The following SGMS1 variants were observed in gnomAD, a reference collection of about 807,000 sequenced individuals.
SGMS1 encodes the protein sphingomyelin synthase 1.
SGMS1 carries 13 observed loss-of-function variants against 46.2 expected under a neutral mutation model. The ratio of observed to expected loss-of-function variants is 0.28; its 90% confidence interval spans 0.18 to 0.45. The LOEUF is 0.45. Ranked by LOEUF, SGMS1 falls within the 20% of genes least tolerant of loss-of-function variation. The pLI, the probability that SGMS1 is intolerant of heterozygous loss-of-function variation, is 1.00. For missense variants in SGMS1, 324 were observed against 519.9 expected, an observed-to-expected ratio of 0.62 and a Z score of 3.66; for synonymous variants, 203 against 187.8, an observed-to-expected ratio of 1.08 and a Z score of -0.66.
chr10:50,384,846 A>G (rs1050404663), intron 6 of SGMS1, among the ~76,000 whole-genome samples: 1 of 152,194 alleles, frequency 6.6e-6, no homozygotes, highest in African/African-American at 2.4e-5. Flanking sequence ...TATATTATCA[A>G]CTTAGATGAG....
chr10:50,566,634 T>C (rs1838290372), intron 2 of SGMS1, among the ~76,000 whole-genome samples: 1 of 152,150 alleles, frequency 6.6e-6, no homozygotes, highest in African/African-American at 2.4e-5. Context: ...AACTAGAAAT[T>C]CTGTAATTAA....
chr10:50,365,754 A>C (rs185666493), intron 6 of SGMS1, among the ~76,000 whole-genome samples: 49 of 152,332 alleles, frequency 3.2e-4, no homozygotes, highest in Non-Finnish European at 5.9e-4. Flanking sequence ...CCCTGCAAAG[A>C]CATGATCTAA....
chr10:50,559,378 A>C (rs1333192576), intron 2 of SGMS1, among the ~76,000 whole-genome samples: 1 of 152,166 alleles, frequency 6.6e-6, no homozygotes, highest in Non-Finnish European at 1.5e-5. Context: ...TATCTTCCAC[A>C]TGTTTTCCAT....
chr10:50,619,793 C>T (rs961557387), intron 1 of SGMS1, among the ~76,000 whole-genome samples: 5 of 152,214 alleles, frequency 3.3e-5, no homozygotes, highest in Non-Finnish European at 4.4e-5. Context: ...GGAGGGGAAT[C>T]TTTCTCAATA....
At chr10:50,428,396 TAGCCATGGGGCATC>T (rs1461494750) in intron 6 of SGMS1, among the ~76,000 whole-genome samples, 2 of 152,150 alleles carry the variant, frequency 1.3e-5, no homozygotes, top group African/African-American at 2.4e-5. Context: ...TTGGCCAAGC[TAGCCATGGGGCATC>T]AGCCTTCTGT....
intron 3 of SGMS1, among the ~76,000 whole-genome samples, chr10:50,471,985 A>G (rs891239500): frequency 2.0e-5 from 3 of 152,316 alleles, no homozygotes; most frequent in Non-Finnish European, 4.4e-5. Context: ...CAGTAAAATC[A>G]TATTATATTT....
At chr10:50,510,660 T>C (rs1837745686) in intron 3 of SGMS1, among the ~76,000 whole-genome samples, 1 of 152,098 alleles carries the variant, frequency 6.6e-6, no homozygotes, top group Non-Finnish European at 1.5e-5. Context: ...ACATAGAAGA[T>C]ACAAACATTG....
chr10:50,623,808 C>T lies in SGMS1; in HGVS notation c.-785G>A. ...GCGTCGGGGCTCCGCACCCCAATCG[C>T]GCTCTCCGACCGGCTCCCTAGGCGC... On this transcript the variant is annotated 5_prime_UTR_variant, in exon 1 of 11. Transcript: ENST00000361781. The T allele has an allele frequency of 1.0e-6, 1 of 985,460 alleles. No individual in the cohort carries two copies. Among genetic ancestry groups the T allele is most frequent in the Non-Finnish European group, 1.2e-6 (1 of 829,966 alleles). The allele number at this position is 985,460 out of a possible 1,614,324, so 61.0% of individuals were successfully genotyped here.
chr10:50,537,938 C>T (rs1838017921), intron 2 of SGMS1, among the ~76,000 whole-genome samples: 1 of 152,000 alleles, frequency 6.6e-6, no homozygotes, highest in African/African-American at 2.4e-5. Flanking sequence ...TCTATTAAGC[C>T]ATATGAATCC....
intron 6 of SGMS1, among the ~76,000 whole-genome samples, chr10:50,400,156 C>T (rs1322270279): frequency 6.6e-6 from 1 of 151,600 alleles, no homozygotes; most frequent in African/African-American, 2.4e-5. Context: ...TTCAGTATAA[C>T]TGTCTATACT....
chr10:50,446,043 C>T (rs1324544839), intron 5 of SGMS1, among the ~76,000 whole-genome samples: 1 of 152,088 alleles, frequency 6.6e-6, no homozygotes, highest in Non-Finnish European at 1.5e-5. Flanking sequence ...GAGGAAATTC[C>T]CACCTAATCA....
intron 6 of SGMS1, among the ~76,000 whole-genome samples, chr10:50,398,778 G>T (rs12252248): frequency 0.06 from 9,096 of 151,992 alleles, 623 homozygotes; most frequent in African/African-American, 0.17. Context: ...GAAGCAGTTT[G>T]TCTCTATGGA....
At chr10:50,508,656 C>G (rs1054565623) in intron 3 of SGMS1, among the ~76,000 whole-genome samples, 3 of 152,228 alleles carry the variant, frequency 2.0e-5, no homozygotes, top group East Asian at 3.9e-4. Context: ...TTGGAAAGAA[C>G]CTCTTTGGGG....
At chr10:50,602,513 C>T (rs542245228) in intron 1 of SGMS1, among the ~76,000 whole-genome samples, 2 of 152,282 alleles carry the variant, frequency 1.3e-5, no homozygotes, top group Admixed American at 1.3e-4. Context: ...GAGAAGAAGG[C>T]TACTGGAGAA....
chr10:50,434,307 G>A (rs915379117), intron 5 of SGMS1, among the ~76,000 whole-genome samples: 3 of 152,090 alleles, frequency 2.0e-5, no homozygotes, highest in African/African-American at 7.2e-5. Flanking sequence ...AAAAATACCC[G>A]ACTTTTACCA....
rs551984050 is a variant in SGMS1 at position 50,432,913 on chromosome 10, G to A, written c.-232+563C>T. Among the ~76,000 whole-genome samples, 3 of 152,200 alleles carry A rather than the reference G, an allele frequency of 2.0e-5. No individual in the cohort carries two copies. The South Asian group carries it at 6.2e-4, about 32-fold the overall frequency. ...AGCTACCCCACTTACTAACATTATT[G>A]TTATCACAGTGAAACCAAAATCAAC... On this transcript the variant is annotated intron_variant, in intron 6 of 10. Coordinates refer to ENST00000361781, the MANE Select transcript of SGMS1 (RefSeq NM_147156.4).
At chr10:50,569,817 T>C (rs1187811161) in intron 2 of SGMS1, among the ~76,000 whole-genome samples, 1 of 152,136 alleles carries the variant, frequency 6.6e-6, no homozygotes, top group Non-Finnish European at 1.5e-5. Flanking sequence ...GCAAGCTGGA[T>C]GGTAGCTTCC....
chr10:50,307,984 G>C lies in SGMS1; in HGVS notation c.1060C>G (p.Gln354Glu). ...AAATCAAAAGCGGGGAAACTCACTT[G>C]CTGATTGGCCATAGTGTGATACCAC... ...FWWYHTMANQQVLKEASQMNL... is the reference protein window; with the variant it reads ...FWWYHTMANQEVLKEASQMNL... Residue 354 changes from glutamine to glutamate, a missense_variant and splice_region_variant, in exon 10 of 11, where the codon CAA (glutamine) becomes GAA (glutamate). Gln to Glu is a conservative substitution (Grantham distance 29, BLOSUM62 2). Around this residue, in one of 2 missense-constraint regions of SGMS1, gnomAD observed 174 missense variants for 350.1 expected, o/e 0.50. Transcript: ENST00000361781. The surrounding 1 kb of genome is among the most constrained non-coding windows in gnomAD (Gnocchi z 4.2). 1.9e-6 allele frequency: 3 copies of C among 1,613,378 alleles called. No homozygotes were observed. The highest frequency in any genetic ancestry group is 2.5e-6 in the Non-Finnish European group (3 of 1,179,782).
chr10:50,393,524 A>T (rs1272642685), intron 6 of SGMS1, among the ~76,000 whole-genome samples: 1 of 152,188 alleles, frequency 6.6e-6, no homozygotes, highest in East Asian at 1.9e-4. Flanking sequence ...ATCCAAAGGC[A>T]TACAAGACAA....
Sources: allele counts gnomAD v4.1 joint callset (sites outside exome capture counted in the v4.1 genomes callset), GRCh38; gene constraint gnomAD v4.1.1; regional missense constraint gnomAD v4.1.1; non-coding constraint Gnocchi (gnomAD v3.1); transcripts MANE v1.5; gene names NCBI Gene and HGNC (gene_info 2026-07-23, HGNC 2026-07-21).